Variants in CCDC141 observed in about 807,000 individuals in gnomAD.
CCDC141 encodes coiled-coil domain-containing protein 141.
Under a neutral mutation model 181.0 loss-of-function variants are expected in CCDC141, and 168 were observed. That is an observed-to-expected ratio of 0.93 (90% confidence interval 0.82 to 1.05). The LOEUF is 1.05. Ranked by LOEUF, CCDC141 falls within the 50% of genes least tolerant of loss-of-function variation. The probability of loss-of-function intolerance (pLI) is 0.00; values close to 1 mark genes in which losing one functional copy is unlikely to be tolerated. For synonymous variants in CCDC141, 666 were observed against 642.3 expected (o/e 1.04, Z -0.56); for missense variants, 1,902 against 1,788.5 (o/e 1.06, Z -1.14).
intron 6 of CCDC141, among the ~76,000 whole-genome samples, chr2:178,943,106 T>A (rs531562258): frequency 6.6e-6 from 1 of 152,228 alleles, no homozygotes; most frequent in East Asian, 1.9e-4. Flanking sequence ...CTTTTTTTGG[T>A]ATTAAAGGAA....
At chr2:179,011,267 T>G (rs1240505860) in intron 2 of CCDC141, among the ~76,000 whole-genome samples, 4 of 152,042 alleles carry the variant, frequency 2.6e-5, no homozygotes, top group Admixed American at 2.0e-4. Flanking sequence ...AAACTTAAAG[T>G]GTTGGAAAAA....
At chr2:178,887,179 G>A (rs930152388) in intron 9 of CCDC141, among the ~76,000 whole-genome samples, 11 of 152,100 alleles carry the variant, frequency 7.2e-5, no homozygotes, top group African/African-American at 2.7e-4. Flanking sequence ...TACCTATGAA[G>A]GATAATGCAC....
intron 7 of CCDC141, among the ~76,000 whole-genome samples, chr2:178,917,092 T>C (rs1487989839): frequency 6.6e-6 from 1 of 152,188 alleles, no homozygotes; most frequent in Non-Finnish European, 1.5e-5. Flanking sequence ...TGCAAGGCTG[T>C]AAACTATAGG....
chr2:179,020,980 G>T (rs1362954732), intron 2 of CCDC141, among the ~76,000 whole-genome samples: 1 of 152,146 alleles, frequency 6.6e-6, no homozygotes, highest in Non-Finnish European at 1.5e-5. Context: ...TTTCTCACAT[G>T]CGGGCTGATT....
In CCDC141 at chr2:178,837,418, T is replaced by C; in HGVS notation, c.3801A>G (p.Pro1267=). 1 of 1,614,086 alleles carries C rather than the reference T, an allele frequency of 6.2e-7. No homozygotes were observed. The highest frequency in any genetic ancestry group is 8.5e-7 in the Non-Finnish European group (1 of 1,180,000). The change falls in exon 23 of 24, where the codon CCA becomes CCG. Residue 1267 remains proline (P), a synonymous_variant. Coordinates refer to ENST00000443758, the MANE Select transcript of CCDC141 (RefSeq NM_173648.4). ...ATGCATCCGCAAAGGCAACAGGTGG[T>C]GGAAGAACAGATTCCTGGGCATCCC... ...SPGDAQESVL[P]PPVAFADACN...
intron 2 of CCDC141, among the ~76,000 whole-genome samples, chr2:179,028,592 T>C (rs2042920070): frequency 6.6e-6 from 1 of 152,188 alleles, no homozygotes; most frequent in African/African-American, 2.4e-5. Context: ...CATGTAATAA[T>C]ACCAGTGGGA....
At chr2:178,824,739 G>C in the CCDC141 span, among the ~76,000 whole-genome samples, 2 of 151,048 alleles carry the variant, frequency 1.3e-5, no homozygotes, top group African/African-American at 4.9e-5. Flanking sequence ...CTTTCATGGT[G>C]TTCATAATCC....
At chr2:179,049,213 C>A (rs1054291820) in intron 1 of CCDC141, among the ~76,000 whole-genome samples, 4 of 152,174 alleles carry the variant, frequency 2.6e-5, no homozygotes, top group African/African-American at 9.7e-5. Flanking sequence ...CCCTAAGTGG[C>A]TTCTACTTCC....
Position 178,832,532 on chromosome 2 carries a change from T to G in CCDC141, c.*1641A>C, listed in dbSNP as rs1684300202. ...TTAAGAGAAATTTCCTAGAATGCTG[T>G]GTATACAAGCTTTTAATATAGTTCT... is the stretch of plus-strand genomic sequence containing the variant. On this transcript the variant is annotated 3_prime_UTR_variant, in exon 24 of 24. Coordinates refer to ENST00000443758, the MANE Select transcript of CCDC141 (RefSeq NM_173648.4). 1 of 150,800 alleles carries G rather than the reference T, an allele frequency of 6.6e-6. No individual in the cohort carries two copies. Among genetic ancestry groups the G allele is most frequent in the Non-Finnish European group, 1.5e-5 (1 of 67,632 alleles). 9.3% of individuals were successfully genotyped at this position (150,800 alleles called of 1,614,324 possible).
chr2:178,980,595 C>A (rs939879249), intron 2 of CCDC141, among the ~76,000 whole-genome samples: 3 of 152,130 alleles, frequency 2.0e-5, no homozygotes, highest in African/African-American at 7.2e-5. Context: ...GATATTTTTA[C>A]GTGCCCTTGC....
At chr2:178,942,251 C>G (rs574992325) in intron 6 of CCDC141, among the ~76,000 whole-genome samples, 17 of 152,024 alleles carry the variant, frequency 1.1e-4, no homozygotes, top group African/African-American at 3.4e-4. Flanking sequence ...CCTGGCTAAT[C>G]GTTTAAATGT....
At chr2:179,011,716 T>G (rs546805956) in intron 2 of CCDC141, among the ~76,000 whole-genome samples, 2 of 152,216 alleles carry the variant, frequency 1.3e-5, no homozygotes, top group East Asian at 3.9e-4. Context: ...ATAGACCATA[T>G]GATAGGCCAT....
intron 6 of CCDC141, among the ~76,000 whole-genome samples, chr2:178,919,240 C>A (rs1198214017): frequency 6.6e-6 from 1 of 152,126 alleles, no homozygotes; most frequent in Admixed American, 6.5e-5. Flanking sequence ...GTCTATGTTA[C>A]TTTGTTATAG....
chr2:178,952,471 C>G (rs1689989440), intron 5 of CCDC141, among the ~76,000 whole-genome samples: 1 of 152,170 alleles, frequency 6.6e-6, no homozygotes, highest in Non-Finnish European at 1.5e-5. Context: ...AAGTAACTGG[C>G]CCCAAACAAC....
chr2:179,026,912 A>G (rs770359550), intron 2 of CCDC141, among the ~76,000 whole-genome samples: 24 of 152,344 alleles, frequency 1.6e-4, no homozygotes, highest in African/African-American at 4.8e-4. Flanking sequence ...CATGGGGCCT[A>G]TAGCCCCTTT....
intron 5 of CCDC141, among the ~76,000 whole-genome samples, chr2:178,959,794 A>G (rs1321344528): frequency 1.3e-5 from 2 of 152,220 alleles, no homozygotes; most frequent in Non-Finnish European, 2.9e-5. Context: ...AATGACTGGC[A>G]TCTGCATTTG....
intron 2 of CCDC141, among the ~76,000 whole-genome samples, chr2:179,029,550 T>A (rs1036474511): frequency 6.6e-6 from 1 of 152,212 alleles, no homozygotes; most frequent in Admixed American, 6.5e-5. Context: ...TTTGCAATAT[T>A]TCATATCCAC....
At chr2:178,904,252 C>A (rs1356550993) in intron 8 of CCDC141, among the ~76,000 whole-genome samples, 5 of 152,186 alleles carry the variant, frequency 3.3e-5, no homozygotes, top group Non-Finnish European at 5.9e-5. Context: ...TTCATAGCCT[C>A]AACTTTTTGG....
chr2:178,825,209 G>T (rs1575103460), downstream of CCDC141: 3 of 152,008 alleles, frequency 2.0e-5, no homozygotes, highest in South Asian at 2.1e-4. Context: ...ACTTTTAAAG[G>T]TGTAATACAG....
Sources: gnomAD v4.1 joint callset for allele counts (sites outside exome capture counted in the v4.1 genomes callset) on GRCh38, gnomAD v4.1.1 for gene constraint, MANE v1.5 for transcripts, NCBI Gene and HGNC (gene_info 2026-07-23, HGNC 2026-07-21) for gene names.